The following PLCB1 variants were observed in gnomAD, a reference collection of about 807,000 sequenced individuals.
PLCB1 encodes 1-phosphatidylinositol 4,5-bisphosphate phosphodiesterase beta-1.
Under a neutral mutation model 161.8 loss-of-function variants are expected in PLCB1, and 46 were observed. The ratio of observed to expected loss-of-function variants is 0.28; its 90% confidence interval spans 0.22 to 0.36. PLCB1 has a LOEUF of 0.36. Ranked by LOEUF, PLCB1 falls within the 10% of genes least tolerant of loss-of-function variation. PLCB1 has a pLI of 1.00. For missense variants in PLCB1, 1,016 were observed against 1,472.5 expected, an observed-to-expected ratio of 0.69 and a Z score of 5.07; for synonymous variants, 517 against 503.7, an observed-to-expected ratio of 1.03 and a Z score of -0.35.
Position 8,175,816 on chromosome 20 carries a change from AC to A in PLCB1, c.177+25446del, listed in dbSNP as rs562604343. ...GACCTTCAAATTCACAGGAAAAAAA[AC>A]AAAAAACAAAAAACCTAAACCAAAC... is the stretch of plus-strand genomic sequence containing the variant. On this transcript the variant is annotated intron_variant, in intron 2 of 31. Coordinates refer to ENST00000338037, the MANE Select transcript of PLCB1 (RefSeq NM_015192.4). Among the ~76,000 whole-genome samples the A allele has an allele frequency of 2.4e-3, 363 of 152,332 alleles. 1 individual carries two copies. The highest frequency in any genetic ancestry group is 8.2e-3 in the African/African-American group (339 of 41,560).
At chr20:8,293,936 G>A (rs1983506268) in intron 2 of PLCB1, among the ~76,000 whole-genome samples, 1 of 152,140 alleles carries the variant, frequency 6.6e-6, no homozygotes, top group Non-Finnish European at 1.5e-5. Flanking sequence ...ATAGGTTCGT[G>A]TTGGTCATGA....
intron 26 of PLCB1, among the ~76,000 whole-genome samples, chr20:8,769,135 G>C (rs1982533844): frequency 6.6e-6 from 1 of 152,134 alleles, no homozygotes. Flanking sequence ...GACAGTTCTT[G>C]TCTTCCTCAG....
chr20:8,540,562 T>C lies in PLCB1; in HGVS notation c.247-87732T>C, dbSNP rs369388958. Among the ~76,000 whole-genome samples, 334 of 152,186 alleles carry C rather than the reference T, an allele frequency of 2.2e-3. 2 individuals carry two copies. The highest frequency in any genetic ancestry group is 7.7e-3 in the African/African-American group (321 of 41,554). ...TGAATGGGACCTTTCACACAAACCT[T>C]CCTGCCAATTCACTTAGAGCAGCCA... On this transcript the variant is annotated intron_variant, in intron 3 of 31. Transcript: ENST00000338037.
intron 2 of PLCB1, among the ~76,000 whole-genome samples, chr20:8,358,515 T>G (rs1986437241): frequency 6.6e-6 from 1 of 152,118 alleles, no homozygotes; most frequent in African/African-American, 2.4e-5. Context: ...CCTCCCCAAG[T>G]GCTGGGATTA....
At chr20:8,386,869 T>C (rs894378160) in intron 3 of PLCB1, among the ~76,000 whole-genome samples, 2 of 152,238 alleles carry the variant, frequency 1.3e-5, no homozygotes, top group Non-Finnish European at 2.9e-5. Flanking sequence ...TTGTATGTTA[T>C]GGAGAAGGCT....
At chr20:8,539,221 A>T (rs1008955308) in intron 3 of PLCB1, among the ~76,000 whole-genome samples, 1 of 152,238 alleles carries the variant, frequency 6.6e-6, no homozygotes, top group African/African-American at 2.4e-5. Context: ...CAATTTCTTC[A>T]GTTACTTACT....
At chr20:8,809,808 C>G (rs1280161433) in intron 31 of PLCB1, among the ~76,000 whole-genome samples, 2 of 151,970 alleles carry the variant, frequency 1.3e-5, no homozygotes, top group Non-Finnish European at 2.9e-5. Context: ...ACTTTCAGGC[C>G]CTCAGTATAA....
intron 3 of PLCB1, among the ~76,000 whole-genome samples, chr20:8,614,286 A>C (rs1987987478): frequency 6.6e-6 from 1 of 152,070 alleles, no homozygotes. Context: ...CTGCAATTAC[A>C]CACCAGGAAT....
intron 31 of PLCB1, among the ~76,000 whole-genome samples, chr20:8,847,608 C>T (rs1369726595): frequency 1.3e-5 from 2 of 152,132 alleles, no homozygotes; most frequent in Non-Finnish European, 1.5e-5. Context: ...GGGCAGACCC[C>T]ACAGCTTAAG....
At chr20:8,431,355 T>C (rs1218189395) in intron 3 of PLCB1, among the ~76,000 whole-genome samples, 1 of 152,176 alleles carries the variant, frequency 6.6e-6, no homozygotes, top group Non-Finnish European at 1.5e-5. Context: ...TTTCCCTGAA[T>C]GGAAACACCA....
intron 31 of PLCB1, among the ~76,000 whole-genome samples, chr20:8,816,553 G>A (rs1307062821): frequency 6.6e-6 from 1 of 152,150 alleles, no homozygotes; most frequent in Admixed American, 6.5e-5. Flanking sequence ...AACATGTTCA[G>A]ACATACAAAA....
At position 8,742,886 on chromosome 20, in the gene PLCB1, A is replaced by G. The variant is rs77939240; in HGVS notation, c.2523+1313A>G. On this transcript the variant is annotated intron_variant, in intron 23 of 31. Coordinates refer to ENST00000338037, the MANE Select transcript of PLCB1 (RefSeq NM_015192.4). ...TTGATATTCTGATACAGACATACTG[A>G]TTTTTGTACACTGATTTTTAATCCT... Among the ~76,000 whole-genome samples, 1,492 of 152,272 alleles carry G rather than the reference A, an allele frequency of 9.8e-3. 28 individuals are homozygous for G. The highest frequency in any genetic ancestry group is 0.034 in the African/African-American group (1,408 of 41,564).
At chr20:8,399,080 C>CTTTTTTTTTTTT (rs557796242) in intron 3 of PLCB1, among the ~76,000 whole-genome samples, 1 of 142,574 alleles carries the variant, frequency 7.0e-6, no homozygotes. Flanking sequence ...TCACCTATAG[C>CTTTTTTTTTTTT]TTCTTTTTTT....
intron 3 of PLCB1, among the ~76,000 whole-genome samples, chr20:8,441,189 C>A (rs973991225): frequency 7.9e-5 from 12 of 152,090 alleles, no homozygotes; most frequent in Non-Finnish European, 1.8e-4. Context: ...CAGTAATATT[C>A]CAAGTAAAGT....
chr20:8,533,169 C>G (rs1984890631), intron 3 of PLCB1, among the ~76,000 whole-genome samples: 1 of 152,074 alleles, frequency 6.6e-6, no homozygotes. Flanking sequence ...CAATTTCATC[C>G]ATGTCCCCAA....
At chr20:8,362,711 C>T (rs1226375203) in intron 2 of PLCB1, among the ~76,000 whole-genome samples, 1 of 152,184 alleles carries the variant, frequency 6.6e-6, no homozygotes, top group Non-Finnish European at 1.5e-5. Flanking sequence ...TGCATATCTG[C>T]TGATATAGTT....
chr20:8,637,464 G>T (rs1988797753), intron 4 of PLCB1, among the ~76,000 whole-genome samples: 1 of 152,152 alleles, frequency 6.6e-6, no homozygotes, highest in Non-Finnish European at 1.5e-5. Flanking sequence ...GCAAGTACAG[G>T]AATGGAGTAG....
chr20:8,547,361 A>C (rs141325562), intron 3 of PLCB1, among the ~76,000 whole-genome samples: 2 of 152,224 alleles, frequency 1.3e-5, no homozygotes, highest in African/African-American at 4.8e-5. Context: ...GATTTGGATC[A>C]GATAGTTATT....
rs538288377 is a variant in PLCB1, at chr20:8,762,695, G to T, written c.2710+2235G>T. On this transcript the variant is annotated intron_variant, in intron 25 of 31. Transcript: ENST00000338037. The stretch of plus-strand genomic sequence containing the variant: ...GCCTGAAGGAAACCATTAAATAAAT[G>T]TACCTGGTTTTCTCCATGGCCTCAT... Among the ~76,000 whole-genome samples, 360 of 152,290 alleles carry T rather than the reference G, an allele frequency of 2.4e-3. 1 individual carries two copies. Among genetic ancestry groups the T allele is most frequent in the African/African-American group, 8.3e-3 (346 of 41,560 alleles).
Sources: gnomAD v4.1 joint callset for allele counts (sites outside exome capture counted in the v4.1 genomes callset) on GRCh38, gnomAD v4.1.1 for gene constraint, MANE v1.5 for transcripts, NCBI Gene and HGNC (gene_info 2026-07-23, HGNC 2026-07-21) for gene names.